The following CDS1 variants were observed in gnomAD, a reference collection of about 807,000 sequenced individuals.
The protein encoded by CDS1 is CDP-diacylglycerol synthase 1, also known as phosphatidate cytidylyltransferase 1.
CDS1 carries 41 observed loss-of-function variants against 62.1 expected under a neutral mutation model. The observed-to-expected ratio is 0.66, with a 90% CI of 0.51 to 0.86. The LOEUF (loss-of-function observed/expected upper bound fraction) is 0.86, where lower values mean the gene tolerates loss of function less well. Among genes scored for constraint, CDS1 ranks in the 40% least tolerant of loss-of-function variants. The pLI is 0.00. For synonymous variants in CDS1, 185 were observed against 192.6 expected (o/e 0.96, Z 0.32); for missense variants, 470 against 550.1 (o/e 0.85, Z 1.46).
chr4:84,639,066 C>A, intron 9 of CDS1, 74 bp downstream of exon 9: 1 of 679,674 alleles, frequency 1.5e-6, no homozygotes, highest in Non-Finnish European at 2.3e-6. Flanking sequence ...TAATTTTAAA[C>A]CTAGAAAAAT....
chr4:84,634,749 TG>T (rs1239310268), intron 7 of CDS1, among the ~76,000 whole-genome samples: 1 of 152,174 alleles, frequency 6.6e-6, no homozygotes, highest in Non-Finnish European at 1.5e-5. Flanking sequence ...TTTTCATTGA[TG>T]GGGCAGTTAC....
At position 84,649,574 on chromosome 4, in the gene CDS1, A is replaced by T. The variant is rs1724665880; in HGVS notation, c.*888A>T. 1 of 152,332 alleles carries T rather than the reference A, an allele frequency of 6.6e-6. No homozygotes were observed. Among genetic ancestry groups the T allele is most frequent in the Non-Finnish European group, 1.5e-5 (1 of 68,196 alleles). The allele number at this position is 152,332 out of a possible 1,614,324, so 9.4% of individuals were successfully genotyped here. A position where few individuals can be genotyped will look rare whatever the true frequency, so the allele number is the denominator to read the frequency against. On this transcript the variant is annotated 3_prime_UTR_variant, in exon 13 of 13. Transcript: ENST00000295887. Reference sequence around the variant, plus strand: ...GCTTCCATGGTTCTGTAGGGTAGTGAGTCGGGGTTGTGGCTGCAGCAGAGC... The same window carrying T: ...GCTTCCATGGTTCTGTAGGGTAGTGTGTCGGGGTTGTGGCTGCAGCAGAGC...
chr4:84,599,405 C>CATATGTATATATAT (rs1553902445), intron 1 of CDS1, among the ~76,000 whole-genome samples: 3 of 24,700 alleles, frequency 1.2e-4, no homozygotes, highest in Middle Eastern at 0.026. Flanking sequence ...CACACACACA[C>CATATGTATATATAT]ATATATATAT....
In CDS1 at chr4:84,617,570, G is replaced by A; in HGVS notation, c.349G>A (p.Gly117Ser). 1 of 1,536,992 alleles carries A rather than the reference G, an allele frequency of 6.5e-7. No individual in the cohort carries two copies. The highest frequency in any genetic ancestry group is 9.0e-7 in the Non-Finnish European group (1 of 1,115,030). Residue 117 changes from glycine (G) to serine (S), a missense_variant, in exon 4 of 13, where the codon GGC becomes AGC. Gly to Ser is a moderately conservative substitution (Grantham distance 56, BLOSUM62 0). Transcript: ENST00000295887. Reference protein sequence around the residue: ...GSFMLMLLVLGIQVKCFHEII... With the variant: ...GSFMLMLLVLSIQVKCFHEII... Reference sequence around the variant, plus strand: ...TGTTTTCTCTTGGTTTCAGGTTCTGGGCATCCAAGTGAAATGCTTCCATGA... The same window carrying A: ...TGTTTTCTCTTGGTTTCAGGTTCTGAGCATCCAAGTGAAATGCTTCCATGA...
intron 1 of CDS1, among the ~76,000 whole-genome samples, chr4:84,587,822 G>A (rs1722465783): frequency 6.6e-6 from 1 of 152,162 alleles, no homozygotes; most frequent in East Asian, 1.9e-4. Context: ...GGCAAAGGTG[G>A]TCCTGTCATG....
intron 1 of CDS1, among the ~76,000 whole-genome samples, chr4:84,599,415 T>C (rs1193418954): frequency 1.5e-3 from 25 of 17,016 alleles, no homozygotes; most frequent in South Asian, 4.3e-3. Flanking sequence ...CATATATATA[T>C]ATATATATAT....
chr4:84,606,689 C>CT (rs977307555), intron 2 of CDS1, among the ~76,000 whole-genome samples: 10 of 151,354 alleles, frequency 6.6e-5, no homozygotes, highest in African/African-American at 9.7e-5. Flanking sequence ...CCTTCCCTTA[C>CT]TTTTTTTTTA....
At chr4:84,615,919 T>C (rs2148645992) in intron 3 of CDS1, among the ~76,000 whole-genome samples, 1 of 152,316 alleles carries the variant, frequency 6.6e-6, no homozygotes, top group Non-Finnish European at 1.5e-5. Flanking sequence ...GAACCTTTTG[T>C]TTTCTGTTTT....
At chr4:84,617,195 G>A (rs907970220) in intron 3 of CDS1, among the ~76,000 whole-genome samples, 6 of 152,156 alleles carry the variant, frequency 3.9e-5, no homozygotes, top group Admixed American at 3.3e-4. Flanking sequence ...GAAACATAAT[G>A]GACAGGTTGG....
intron 12 of CDS1, among the ~76,000 whole-genome samples, chr4:84,646,047 T>G (rs1724549645): frequency 1.3e-5 from 2 of 152,198 alleles, no homozygotes; most frequent in African/African-American, 4.8e-5. Context: ...TAACTTTATT[T>G]TCTGTGGTCT....
intron 9 of CDS1, 61 bp downstream of exon 9, chr4:84,639,053 G>A: frequency 1.3e-6 from 1 of 765,012 alleles, no homozygotes; most frequent in Non-Finnish European, 2.0e-6. Flanking sequence ...AAGCTTACTG[G>A]TCTAATTTTA....
intron 2 of CDS1, among the ~76,000 whole-genome samples, chr4:84,606,676 T>G (rs967605536): frequency 2.0e-5 from 3 of 152,128 alleles, no homozygotes; most frequent in African/African-American, 7.2e-5. Flanking sequence ...TCAAGTTTTA[T>G]GCCCTTCCCT....
intron 1 of CDS1, among the ~76,000 whole-genome samples, chr4:84,603,000 C>T (rs566113568): frequency 3.3e-5 from 5 of 152,118 alleles, no homozygotes; most frequent in South Asian, 4.2e-4. Flanking sequence ...AAAATACTCC[C>T]GAAGACTAAC....
chr4:84,631,929 C>CTTTT, intron 6 of CDS1, 52 bp downstream of exon 6: 1 of 1,211,076 alleles, frequency 8.3e-7, no homozygotes, highest in Admixed American at 1.9e-5. Context: ...AAACCCTTAA[C>CTTTT]TTTTTTTTTT....
intron 9 of CDS1, among the ~76,000 whole-genome samples, chr4:84,640,152 A>G (rs1208336389): frequency 1.4e-5 from 2 of 147,894 alleles, no homozygotes; most frequent in African/African-American, 2.5e-5. Flanking sequence ...ATATAATAAT[A>G]TGTAATATAT....
At chr4:84,632,613 G>A (rs917725916) in intron 6 of CDS1, among the ~76,000 whole-genome samples, 1 of 152,110 alleles carries the variant, frequency 6.6e-6, no homozygotes, top group Non-Finnish European at 1.5e-5. Flanking sequence ...AGCATGAAGA[G>A]TAAAATTCTT....
rs112010784 is a variant in CDS1 at position 84,610,011 on chromosome 4, C to CAA, written c.342+497_342+498dup. ...GCAGCCTGGGCAACACAGACCATCT[C>CAA]AAAAAAAAAAAATGACAGAAATACA... On this transcript the variant is annotated intron_variant, in intron 3 of 12. Transcript: ENST00000295887. Among the ~76,000 whole-genome samples the CAA allele has an allele frequency of 1.2e-4, 16 of 135,490 alleles. No individual in the cohort carries two copies. The East Asian group carries it at 1.5e-3, about 13-fold the overall frequency. 88.9% of individuals were successfully genotyped at this position (135,490 alleles called of 152,430 possible).
At chr4:84,638,578 A>T (rs986968262) in intron 8 of CDS1, among the ~76,000 whole-genome samples, 1 of 152,186 alleles carries the variant, frequency 6.6e-6, no homozygotes, top group Non-Finnish European at 1.5e-5. Flanking sequence ...ACCAACTATT[A>T]TCAGGTTTTA....
intron 1 of CDS1, among the ~76,000 whole-genome samples, chr4:84,595,408 A>G (rs988347872): frequency 9.9e-5 from 15 of 152,158 alleles, no homozygotes; most frequent in African/African-American, 3.6e-4. Context: ...TATTTATAAT[A>G]CCTCATACAA....
Sources: allele counts gnomAD v4.1 joint callset (sites outside exome capture counted in the v4.1 genomes callset), GRCh38; gene constraint gnomAD v4.1.1; transcripts MANE v1.5; gene names NCBI Gene and HGNC (gene_info 2026-07-23, HGNC 2026-07-21).